The following DHX8 variants were observed in gnomAD, a reference collection of about 807,000 sequenced individuals.
DHX8 encodes DEAH-box helicase 8.
Under a neutral mutation model 140.7 loss-of-function variants are expected in DHX8, and 67 were observed. The observed-to-expected ratio is 0.48, with a 90% CI of 0.39 to 0.58. The LOEUF is 0.58. Ranked by LOEUF, DHX8 falls within the 20% of genes least tolerant of loss-of-function variation. The pLI, the probability that DHX8 is intolerant of heterozygous loss-of-function variation, is 0.00. For missense variants in DHX8, 887 were observed against 1,550.7 expected (o/e 0.57, Z 7.19); for synonymous variants, 533 against 553.2 (o/e 0.96, Z 0.51).
chr17:43,494,905 G>T (rs188971001), intron 8 of DHX8, among the ~76,000 whole-genome samples: 2 of 150,566 alleles, frequency 1.3e-5, no homozygotes, highest in African/African-American at 4.9e-5. Flanking sequence ...TCTGCCTCCC[G>T]GGTTCAAGCG....
At chr17:43,526,282 T>C, downstream of DHX8, 3 of 1,360,326 alleles carry the variant, frequency 2.2e-6, no homozygotes, top group Non-Finnish European at 2.9e-6. Context: ...GCTGGGATCT[T>C]CTTGGCCATT....
chr17:43,513,538 C>A (rs1376147587), intron 17 of DHX8, 36 bp downstream of exon 17: 1 of 1,604,524 alleles, frequency 6.2e-7, no homozygotes, highest in Non-Finnish European at 8.5e-7. Context: ...TCCTGATAAT[C>A]CTGATTAGGG....
In DHX8 at chr17:43,484,042, C is replaced by T; in HGVS notation, c.5C>T (p.Ala2Val). Residue 2 changes from alanine (A) to valine (V), a missense_variant, in exon 1 of 23, where the codon GCT becomes GTT. This residue lies in a region of DHX8 where 32 missense variants were observed against 25.1 expected (regional missense o/e 1.28). Coordinates refer to ENST00000262415, the MANE Select transcript of DHX8 (RefSeq NM_004941.3). ...GGTTCTGGGCAAGCTATAGCCATGG[C>T]TGTGGCTGTAGCCATGGCGGGAGCC... M[A>V]VAVAMAGALI... 1 of 1,614,026 alleles carries T rather than the reference C, an allele frequency of 6.2e-7. No homozygotes were observed.
chr17:43,506,618 CAAA>C (rs59130188), intron 12 of DHX8, among the ~76,000 whole-genome samples: 2 of 73,602 alleles, frequency 2.7e-5, no homozygotes, highest in Admixed American at 1.5e-4. Flanking sequence ...GACTTCATCT[CAAA>C]AAAAAAAAAA....
At chr17:43,536,320 T>C in intron 2 of DHX8, 1 of 997,774 alleles carries the variant, frequency 1.0e-6, no homozygotes, top group Non-Finnish European at 1.6e-6. Context: ...CAAACCCCAC[T>C]GTGTTTTAGG....
At chr17:43,528,022 G>A (rs956560024), downstream of DHX8, 18 of 234,074 alleles carry the variant, frequency 7.7e-5, no homozygotes, top group South Asian at 1.8e-4. Flanking sequence ...TTCAACCTCC[G>A]CCTGCCTCTG....
downstream of DHX8, chr17:43,529,344 C>G: frequency 7.1e-7 from 1 of 1,400,520 alleles, no homozygotes; most frequent in South Asian, 1.2e-5. Context: ...GCCAAGCTAG[C>G]TCTGCAACAA....
At position 43,493,413 on chromosome 17, in the gene DHX8, G is replaced by T. The variant is rs564778404; in HGVS notation, c.864-32G>T. The T allele has an allele frequency of 1.3e-5, 20 of 1,598,028 alleles. No individual in the cohort carries two copies. In the South Asian group the frequency reaches 2.0e-4, roughly 16 times the overall value. On this transcript the variant is annotated intron_variant, in intron 6 of 22. Transcript: ENST00000262415. The stretch of plus-strand genomic sequence containing the variant: ...TTGGTTGGGGGAAAAATATTTTTTG[G>T]CATGTTCCAGATGTGTCTGGCTCTC...
At chr17:43,535,312 C>T (rs755574631) in intron 2 of DHX8, among the ~76,000 whole-genome samples, 27 of 152,010 alleles carry the variant, frequency 1.8e-4, no homozygotes, top group Non-Finnish European at 3.1e-4. Flanking sequence ...GAGCCTCGCT[C>T]TGTCACCCAG....
chr17:43,494,619 G>A (rs1195468238), intron 8 of DHX8, among the ~76,000 whole-genome samples: 1 of 150,276 alleles, frequency 6.7e-6, no homozygotes, highest in East Asian at 2.0e-4. Context: ...TACTCACGAC[G>A]CTGAGGCAGG....
At chr17:43,538,980 T>G (rs552753919) in intron 3 of DHX8, among the ~76,000 whole-genome samples, 1 of 152,268 alleles carries the variant, frequency 6.6e-6, no homozygotes, top group East Asian at 1.9e-4. Flanking sequence ...CTTTTGCTTC[T>G]CTCTAGGCTA....
chr17:43,499,291 C>G (rs1375746235), intron 10 of DHX8, among the ~76,000 whole-genome samples: 1 of 152,144 alleles, frequency 6.6e-6, no homozygotes, highest in African/African-American at 2.4e-5. Flanking sequence ...TACTTGAGCA[C>G]TTGGGGCTGG....
At chr17:43,519,886 A>T in intron 18 of DHX8, 1 of 371,438 alleles carries the variant, frequency 2.7e-6, no homozygotes, top group Non-Finnish European at 4.9e-6. Flanking sequence ...GGTTGCAGTG[A>T]GCTGAGATTG....
intron 16 of DHX8, among the ~76,000 whole-genome samples, chr17:43,509,487 T>TA (rs1969688494): frequency 1.3e-5 from 2 of 150,434 alleles, no homozygotes. Context: ...CCCACTTATT[T>TA]TTTTTTTTTT....
chr17:43,497,767 T>C lies in DHX8; in HGVS notation c.1301-1095T>C, dbSNP rs189747637. Among the ~76,000 whole-genome samples the C allele has an allele frequency of 2.1e-3, 312 of 151,920 alleles. 2 individuals carry two copies. Among genetic ancestry groups the C allele is most frequent in the African/African-American group, 7.2e-3 (299 of 41,444 alleles). Reference sequence around the variant, plus strand: ...AACACCCTGTCTTAAAAAAAAAAAATTACTGGGTAGTAAGAAATGTGTGTG... The same window carrying C: ...AACACCCTGTCTTAAAAAAAAAAAACTACTGGGTAGTAAGAAATGTGTGTG... On this transcript the variant is annotated intron_variant, in intron 9 of 22. Coordinates refer to ENST00000262415, the MANE Select transcript of DHX8 (RefSeq NM_004941.3).
Position 43,499,979 on chromosome 17 carries a change from A to G in DHX8, c.1422A>G (p.Gln474=), listed in dbSNP as rs778070702. Residue 474 remains glutamine, a synonymous_variant, in exon 11 of 23, where the codon CAA becomes CAG. Transcript: ENST00000262415. ...AGAACCCAGACGGCTCCCTCTCCCA[A>G]GCAGCAATGATGCAGAGTGCCTTGG... ...IVKNPDGSLS[Q]AAMMQSALAK... The G allele has an allele frequency of 2.5e-6, 4 of 1,614,144 alleles. No individual in the cohort carries two copies. In the East Asian group the frequency reaches 6.7e-5, roughly 27 times the overall value.
At chr17:43,498,742 C>T in intron 9 of DHX8, 120 bp from the exon 10 acceptor site, 1 of 712,908 alleles carries the variant, frequency 1.4e-6, no homozygotes, top group Non-Finnish European at 2.2e-6. Context: ...AGCCACCATG[C>T]CCCACCAGGG....
chr17:43,506,304 C>A (rs1969491572), intron 12 of DHX8, among the ~76,000 whole-genome samples: 3 of 150,886 alleles, frequency 2.0e-5, no homozygotes, highest in African/African-American at 7.3e-5. Flanking sequence ...CTGTGCCTGG[C>A]CTTCTTAAAC....
At position 43,492,709 on chromosome 17, in the gene DHX8, C is replaced by T. The variant is rs370667508; in HGVS notation, c.532C>T (p.Arg178Ter). 27 of 1,598,650 alleles carry T rather than the reference C, an allele frequency of 1.7e-5. No individual in the cohort carries two copies. The highest frequency in any genetic ancestry group is 1.9e-5 in the Non-Finnish European group (22 of 1,166,104). Residue 178 changes from arginine (R) to a stop codon, truncating the protein, a stop_gained, in exon 6 of 23, where the codon CGA (arginine) becomes TGA (stop). Coordinates refer to ENST00000262415, the MANE Select transcript of DHX8 (RefSeq NM_004941.3). LOFTEE classifies it high-confidence loss of function. Reference protein sequence around the residue: ...RDRTKKKKRSRSRDRNRDRDR... With the variant: ...RDRTKKKKRS The stretch of plus-strand genomic sequence containing the variant: ...CAGGACAAAGAAGAAGAAGCGGAGT[C>T]GAAGCCGAGATCGAAACCGAGATCG...
Sources: allele counts gnomAD v4.1 joint callset (sites outside exome capture counted in the v4.1 genomes callset), GRCh38; gene constraint gnomAD v4.1.1; regional missense constraint gnomAD v4.1.1; transcripts MANE v1.5; gene names NCBI Gene and HGNC (gene_info 2026-07-23, HGNC 2026-07-21).